The following SEMA3A variants were observed in gnomAD, a reference collection of about 807,000 sequenced individuals.
SEMA3A encodes semaphorin 3A, also known as semaphorin-3A.
Under a neutral mutation model 97.9 loss-of-function variants are expected in SEMA3A, and 29 were observed. That is an observed-to-expected ratio of 0.30 (90% CI 0.22 to 0.40). SEMA3A has a LOEUF of 0.40. SEMA3A is among the 10% of genes least tolerant of loss of function. The pLI, the probability that SEMA3A is intolerant of heterozygous loss-of-function variation, is 1.00. For missense variants in SEMA3A, 763 were observed against 951.3 expected (o/e 0.80, Z 2.60); for synonymous variants, 321 against 323.7 (o/e 0.99, Z 0.09).
At chr7:84,365,145 T>A (rs1321269051) in intron 2 of SEMA3A, among the ~76,000 whole-genome samples, 18 of 151,516 alleles carry the variant, frequency 1.2e-4, no homozygotes, top group Non-Finnish European at 2.5e-4. Flanking sequence ...TTGAGGGGTG[T>A]TTGGGTGGGG....
chr7:84,391,357 CAT>C (rs1204343491), intron 1 of SEMA3A, among the ~76,000 whole-genome samples: 1 of 152,062 alleles, frequency 6.6e-6, no homozygotes, highest in Admixed American at 6.6e-5. Flanking sequence ...GGCTAGGAAA[CAT>C]ATGTGGAAAT....
chr7:84,426,643 T>G (rs1359503496), intron 1 of SEMA3A, among the ~76,000 whole-genome samples: 1 of 152,148 alleles, frequency 6.6e-6, no homozygotes, highest in Non-Finnish European at 1.5e-5. Context: ...TCTTACAAAT[T>G]TATCTTAAAT....
rs888753762 is a variant in SEMA3A at position 84,307,978 on chromosome 7, C to T, written c.-168-686G>A. Among the ~76,000 whole-genome samples, 11 of 149,820 alleles carry T rather than the reference C, an allele frequency of 7.3e-5. 1 individual carries two copies. The highest frequency in any genetic ancestry group is 2.1e-4 in the South Asian group (1 of 4,762). On this transcript the variant is annotated intron_variant, in intron 2 of 3. Transcript: ENST00000424555. Reference sequence around the variant, plus strand: ...AAATAAAGACAATTCAAAGCTGGGCCGAGGATTTAATATATTTGAAAAAAA... The same window carrying T: ...AAATAAAGACAATTCAAAGCTGGGCTGAGGATTTAATATATTTGAAAAAAA...
At chr7:84,173,710 C>G (rs1274675719) in intron 1 of SEMA3A, among the ~76,000 whole-genome samples, 2 of 152,098 alleles carry the variant, frequency 1.3e-5, no homozygotes, top group Non-Finnish European at 1.5e-5. Context: ...GTGCCATACA[C>G]CAAGTGGTAG....
At chr7:84,230,475 T>C (rs528466450) in intron 3 of SEMA3A, among the ~76,000 whole-genome samples, 8 of 152,144 alleles carry the variant, frequency 5.3e-5, no homozygotes, top group South Asian at 2.1e-4. Flanking sequence ...CAATTTAATA[T>C]TATGCTAAAG....
intron 2 of SEMA3A, among the ~76,000 whole-genome samples, chr7:84,320,657 A>AAGTAT (rs1554364005): frequency 1.2e-3 from 174 of 148,882 alleles, no homozygotes; most frequent in Middle Eastern, 3.4e-3. Context: ...GAAATAAATT[A>AAGTAT]TTTTTTTTTT....
chr7:84,429,748 C>A, intron 1 of SEMA3A, among the ~76,000 whole-genome samples: 1 of 150,170 alleles, frequency 6.7e-6, no homozygotes, highest in Non-Finnish European at 1.5e-5. Context: ...AGGTAAGACG[C>A]ACAAAAGAAA....
At chr7:84,298,245 T>C (rs1279556658) in intron 3 of SEMA3A, among the ~76,000 whole-genome samples, 1 of 152,110 alleles carries the variant, frequency 6.6e-6, no homozygotes, top group Non-Finnish European at 1.5e-5. Context: ...AATAAACCTA[T>C]GAAAATTATG....
At chr7:83,983,058 A>AT (rs1562953422) in intron 13 of SEMA3A, among the ~76,000 whole-genome samples, 2 of 152,044 alleles carry the variant, frequency 1.3e-5, no homozygotes, top group Admixed American at 6.6e-5. Flanking sequence ...TAAGTGCTCA[A>AT]TTTTTTGCTA....
chr7:84,166,222 T>C (rs180902692), intron 1 of SEMA3A, among the ~76,000 whole-genome samples: 7 of 150,894 alleles, frequency 4.6e-5, no homozygotes, highest in African/African-American at 1.5e-4. Flanking sequence ...GCTATAATGT[T>C]AGCAATGATT....
At chr7:84,293,869 T>C (rs537308160) in intron 3 of SEMA3A, among the ~76,000 whole-genome samples, 1 of 152,194 alleles carries the variant, frequency 6.6e-6, no homozygotes, top group South Asian at 2.1e-4. Context: ...CTTCTTCACA[T>C]AGATGAAAAG....
At chr7:84,146,478 C>A (rs1193282718) in intron 1 of SEMA3A, among the ~76,000 whole-genome samples, 2 of 151,968 alleles carry the variant, frequency 1.3e-5, no homozygotes, top group African/African-American at 2.4e-5. Context: ...GCTCTCTGGT[C>A]CCTGATATTG....
At chr7:84,396,229 T>C (rs1026940498) in intron 1 of SEMA3A, among the ~76,000 whole-genome samples, 7 of 151,974 alleles carry the variant, frequency 4.6e-5, no homozygotes, top group African/African-American at 1.7e-4. Context: ...GTGAATATAA[T>C]ATACAGAATA....
intron 1 of SEMA3A, among the ~76,000 whole-genome samples, chr7:84,179,548 T>A (rs1232105447): frequency 6.6e-6 from 1 of 152,144 alleles, no homozygotes; most frequent in Non-Finnish European, 1.5e-5. Flanking sequence ...CCTCTGAACT[T>A]TATAGCATTT....
intron 3 of SEMA3A, among the ~76,000 whole-genome samples, chr7:84,248,295 T>G (rs1799520939): frequency 6.6e-6 from 1 of 152,234 alleles, no homozygotes; most frequent in African/African-American, 2.4e-5. Context: ...GGGAAAATTA[T>G]TAAAATGGAT....
intron 5 of SEMA3A, among the ~76,000 whole-genome samples, chr7:84,058,901 G>A (rs1793104145): frequency 6.6e-6 from 1 of 152,042 alleles, no homozygotes; most frequent in African/African-American, 2.4e-5. Flanking sequence ...GACTTTGGGT[G>A]GTTGCATACC....
chr7:84,472,438 A>C (rs1231145068), intron 1 of SEMA3A, among the ~76,000 whole-genome samples: 1 of 152,276 alleles, frequency 6.6e-6, no homozygotes, highest in Non-Finnish European at 1.5e-5. Context: ...AAAACGCATT[A>C]GTGCTTCGTG....
At chr7:84,397,461 A>G (rs1431907212) in intron 1 of SEMA3A, among the ~76,000 whole-genome samples, 1 of 148,342 alleles carries the variant, frequency 6.7e-6, no homozygotes, top group Non-Finnish European at 1.5e-5. Flanking sequence ...TATAACGTAT[A>G]CATAATATGT....
rs145433639 is a variant in SEMA3A at position 84,135,363 on chromosome 7, G to A, written c.113-412C>T. Among the ~76,000 whole-genome samples the A allele has an allele frequency of 4.4e-3, 662 of 151,886 alleles. 6 individuals carry two copies. The highest frequency in any genetic ancestry group is 0.017 in the East Asian group (86 of 5,134). ...TGACCTCAAGTGATCCTCCTGCCTC[G>A]GCCTCCCAAGGTGCTGGGATTACAG... On this transcript the variant is annotated intron_variant, in intron 1 of 16. Transcript: ENST00000265362.
Sources: gnomAD v4.1 joint callset for allele counts (sites outside exome capture counted in the v4.1 genomes callset) on GRCh38, gnomAD v4.1.1 for gene constraint, MANE v1.5 for transcripts, NCBI Gene and HGNC (gene_info 2026-07-23, HGNC 2026-07-21) for gene names.